Variants in DNAH14 observed in about 807,000 individuals in gnomAD.
DNAH14 encodes the protein axonemal beta dynein heavy chain 14.
DNAH14 carries 478 observed loss-of-function variants against 520.9 expected under a neutral mutation model. The observed-to-expected ratio is 0.92, with a 90% CI of 0.85 to 0.99. The LOEUF is 0.99. DNAH14 is among the 50% of genes least tolerant of loss of function. DNAH14 has a pLI of 0.00. For missense variants in DNAH14, 4,831 were observed against 5,234.5 expected, an observed-to-expected ratio of 0.92 and a Z score of 2.38; for synonymous variants, 1,581 against 1,757.2, an observed-to-expected ratio of 0.90 and a Z score of 2.51.
Position 225,388,468 on chromosome 1 carries a change from G to C in DNAH14, c.13167G>C (p.Val4389=). 1 of 1,527,640 alleles carries C rather than the reference G, an allele frequency of 6.5e-7. No homozygotes were observed. The allele number at this position is 1,527,640 out of a possible 1,614,324, so 94.6% of individuals were successfully genotyped here. A position where few individuals can be genotyped will look rare whatever the true frequency, so the allele number is the denominator to read the frequency against. ...RLNFFNTWAK[V]AYTAIQRRYM... is the part of the protein sequence containing the mutation. ...ATTTCTTCAATACTTGGGCCAAAGT[G>C]GCTTATACTGCAATACAGCGTCGGT... The change falls in exon 82 of 86, where the codon GTG becomes GTC. Residue 4389 remains valine (V), a synonymous_variant. Transcript: ENST00000682510.
chr1:225,240,714 A>C lies in DNAH14; in HGVS notation c.6640A>C (p.Arg2214=). Residue 2214 remains arginine (R), a synonymous_variant, in exon 43 of 86, where the codon AGA becomes CGA. Coordinates refer to ENST00000682510, the MANE Select transcript of DNAH14 (RefSeq NM_001367479.1). ...GGALNREDEH[R]ENIPFCPSLE... is the part of the protein sequence containing the mutation. ...AGCTTTAAACCGTGAAGATGAACAC[A>C]GAGAAAATATACCATTTTGTCCCAG... is the stretch of plus-strand genomic sequence containing the variant. 1.3e-6 allele frequency: 2 copies of C among 1,551,040 alleles called. No individual in the cohort carries two copies. The highest frequency in any genetic ancestry group is 1.7e-6 in the Non-Finnish European group (2 of 1,146,560).
At chr1:225,177,560 T>G (rs986586191) in intron 36 of DNAH14, among the ~76,000 whole-genome samples, 1 of 152,086 alleles carries the variant, frequency 6.6e-6, no homozygotes, top group East Asian at 1.9e-4. Flanking sequence ...AAAAATGGTT[T>G]CGTGGGCCAA....
At chr1:225,380,859 T>C (rs944714796) in intron 80 of DNAH14, among the ~76,000 whole-genome samples, 2 of 152,224 alleles carry the variant, frequency 1.3e-5, no homozygotes, top group African/African-American at 2.4e-5. Flanking sequence ...AGAAGTTTAT[T>C]TGGGAACCAA....
intron 34 of DNAH14, 67 bp from the exon 35 acceptor site, chr1:225,159,247 G>T: frequency 7.7e-7 from 1 of 1,292,746 alleles, no homozygotes; most frequent in South Asian, 1.4e-5. Context: ...AATGTTAATG[G>T]TCTTCAGTGT....
At chr1:225,273,226 A>T (rs945582284) in intron 52 of DNAH14, 101 bp downstream of exon 52, 15 of 1,247,498 alleles carry the variant, frequency 1.2e-5, no homozygotes, top group Non-Finnish European at 1.6e-5. Context: ...AGGTCAGGAG[A>T]TTGAGACCAT....
At chr1:225,245,437 AG>A (rs2092226326) in intron 43 of DNAH14, among the ~76,000 whole-genome samples, 1 of 152,146 alleles carries the variant, frequency 6.6e-6, no homozygotes, top group Non-Finnish European at 1.5e-5. Context: ...TAATATTCAC[AG>A]TGGGGTGTTA....
At chr1:225,213,785 T>C (rs1426961288) in intron 41 of DNAH14, among the ~76,000 whole-genome samples, 1 of 152,228 alleles carries the variant, frequency 6.6e-6, no homozygotes, top group Non-Finnish European at 1.5e-5. Context: ...TGAAGTTGCA[T>C]ATCAGCTTAA....
chr1:225,193,733 C>T (rs1345209732), intron 38 of DNAH14, among the ~76,000 whole-genome samples: 1 of 151,990 alleles, frequency 6.6e-6, no homozygotes, highest in African/African-American at 2.4e-5. Flanking sequence ...TAAATGACAT[C>T]CAGATAAGAA....
intron 1 of DNAH14, among the ~76,000 whole-genome samples, chr1:224,948,923 T>C (rs2060005113): frequency 6.6e-6 from 1 of 152,196 alleles, no homozygotes; most frequent in Non-Finnish European, 1.5e-5. Context: ...AAGAAATAAT[T>C]ATTGTTTTAT....
chr1:225,071,814 C>A (rs2071580994), intron 17 of DNAH14, among the ~76,000 whole-genome samples: 1 of 152,124 alleles, frequency 6.6e-6, no homozygotes, highest in Non-Finnish European at 1.5e-5. Context: ...CCTTTTGAAA[C>A]CATCAAATCT....
chr1:225,154,787 A>C (rs1247701421), intron 34 of DNAH14, among the ~76,000 whole-genome samples: 1 of 152,094 alleles, frequency 6.6e-6, no homozygotes, highest in Non-Finnish European at 1.5e-5. Context: ...TTTAAAACTA[A>C]GACTCTAAAT....
chr1:224,955,968 C>G (rs1182577843), intron 3 of DNAH14, among the ~76,000 whole-genome samples: 2 of 152,072 alleles, frequency 1.3e-5, no homozygotes, highest in Admixed American at 1.3e-4. Context: ...ACCGATAAGA[C>G]TCTTTCAAGG....
chr1:225,086,005 A>G (rs1279908467), intron 21 of DNAH14, among the ~76,000 whole-genome samples: 1 of 152,060 alleles, frequency 6.6e-6, no homozygotes. Context: ...ATTTTGGCAG[A>G]AAAGATAAAT....
intron 5 of DNAH14, among the ~76,000 whole-genome samples, chr1:224,965,465 A>G (rs2061106292): frequency 6.6e-6 from 1 of 152,010 alleles, no homozygotes; most frequent in African/African-American, 2.4e-5. Context: ...AATATTTTAG[A>G]TTTTGAAACT....
chr1:225,072,987 G>T lies in DNAH14; in HGVS notation c.2425-6220G>T, dbSNP rs559523478. ...CATCCAGTCATGAGGAATGGGATTG[G>T]GAACCCACTTAACAAAGTAGTCTGG... On this transcript the variant is annotated intron_variant, in intron 17 of 85. Coordinates refer to ENST00000682510, the MANE Select transcript of DNAH14 (RefSeq NM_001367479.1). Among the ~76,000 whole-genome samples, 6 of 152,222 alleles carry T rather than the reference G, an allele frequency of 3.9e-5. No homozygotes were observed. The South Asian group carries it at 1.2e-3, about 32-fold the overall frequency.
chr1:224,955,230 C>G, intron 3 of DNAH14, 132 bp downstream of exon 3: 1 of 960,272 alleles, frequency 1.0e-6, no homozygotes, highest in Non-Finnish European at 1.6e-6. Context: ...ATTTTACTAA[C>G]TTCATTAGTT....
In DNAH14 at chr1:225,264,199, G is replaced by A. The variant is rs1485815916; in HGVS notation, c.7160G>A (p.Ser2387Asn). The A allele has an allele frequency of 3.9e-6, 6 of 1,549,132 alleles. No individual in the cohort carries two copies. In the East Asian group the frequency reaches 1.2e-4, roughly 32 times the overall value. The change falls in exon 47 of 86, where the codon AGC becomes AAC. Residue 2387 changes from serine to asparagine, a missense_variant and splice_region_variant. Ser to Asn is a conservative substitution (Grantham distance 46). Transcript: ENST00000682510. ...ATCCTTAAAATATTTCATTCCAGTA[G>A]CCTAAAACAGAATATCACCATCTTG... ...LLYSEIKKSS[S>N]LKQNITILIP... is the part of the protein sequence containing the mutation.
chr1:225,023,551 A>G (rs2065879095), intron 10 of DNAH14, 64 bp from the exon 11 acceptor site: 1 of 1,331,860 alleles, frequency 7.5e-7, no homozygotes, highest in African/African-American at 1.5e-5. Context: ...AAACTAAACT[A>G]GAAATCATGC....
intron 36 of DNAH14, among the ~76,000 whole-genome samples, chr1:225,171,537 C>G (rs2082666750): frequency 6.6e-6 from 1 of 152,172 alleles, no homozygotes; most frequent in Non-Finnish European, 1.5e-5. Flanking sequence ...GGAAAAATTT[C>G]TCGACACATA....
Sources: gnomAD v4.1 joint callset for allele counts (sites outside exome capture counted in the v4.1 genomes callset) on GRCh38, gnomAD v4.1.1 for gene constraint, MANE v1.5 for transcripts, NCBI Gene and HGNC (gene_info 2026-07-23, HGNC 2026-07-21) for gene names.